PTPRG: variants seen among roughly 807,000 people sequenced by gnomAD.
The protein encoded by PTPRG is protein tyrosine phosphatase receptor type G, also known as receptor-type tyrosine-protein phosphatase gamma.
In PTPRG, 102 loss-of-function variants were observed where a neutral mutation model predicts 165.3. The ratio of observed to expected loss-of-function variants is 0.62; its 90% CI spans 0.53 to 0.73. The LOEUF is 0.73. Ranked by LOEUF, PTPRG falls within the 30% of genes least tolerant of loss-of-function variation. The pLI is 0.00. For synonymous variants in PTPRG, 675 were observed against 669.5 expected, an observed-to-expected ratio of 1.01 and a Z score of -0.13; for missense variants, 1,866 against 1,861.4, an observed-to-expected ratio of 1.00 and a Z score of -0.05.
chr3:61,905,202 G>A (rs1419005636), intron 2 of PTPRG, among the ~76,000 whole-genome samples: 1 of 152,172 alleles, frequency 6.6e-6, no homozygotes, highest in Non-Finnish European at 1.5e-5. Context: ...ATGTTATCAC[G>A]TAAGGGCTGG....
intron 1 of PTPRG, among the ~76,000 whole-genome samples, chr3:61,745,694 C>G (rs929821631): frequency 3.3e-5 from 5 of 152,216 alleles, no homozygotes; most frequent in African/African-American, 9.7e-5. Context: ...TCCTGTTGCT[C>G]AAGTCCAATT....
intron 1 of PTPRG, among the ~76,000 whole-genome samples, chr3:61,599,659 A>AT (rs11382935): frequency 0.23 from 33,814 of 145,996 alleles, 3,945 homozygotes; most frequent in African/African-American, 0.31. Flanking sequence ...TGCCTCCCTA[A>AT]TTTTTTTTTT....
chr3:61,950,358 T>A (rs2039870120), intron 2 of PTPRG, among the ~76,000 whole-genome samples: 1 of 152,226 alleles, frequency 6.6e-6, no homozygotes, highest in African/African-American at 2.4e-5. Flanking sequence ...TGCTTGATTG[T>A]GAGAACTTCT....
chr3:61,599,579 A>C (rs761123121), intron 1 of PTPRG, among the ~76,000 whole-genome samples: 1 of 151,368 alleles, frequency 6.6e-6, no homozygotes, highest in South Asian at 2.1e-4. Context: ...TGCAATCTCC[A>C]TTTCCTGGGC....
intron 5 of PTPRG, among the ~76,000 whole-genome samples, chr3:62,123,713 T>C (rs6803723): frequency 3.0e-4 from 46 of 151,642 alleles, no homozygotes; most frequent in African/African-American, 1.0e-3. Context: ...AAAACTCTAA[T>C]TAAAGAGTTA....
chr3:61,611,485 CT>C (rs1170514957), intron 1 of PTPRG, among the ~76,000 whole-genome samples: 1 of 152,076 alleles, frequency 6.6e-6, no homozygotes, highest in Non-Finnish European at 1.5e-5. Flanking sequence ...GTGCCATTTA[CT>C]GATTTTTCTA....
intron 2 of PTPRG, among the ~76,000 whole-genome samples, chr3:61,929,157 C>T (rs772874181): frequency 2.0e-4 from 31 of 152,190 alleles, no homozygotes; most frequent in Non-Finnish European, 3.8e-4. Context: ...TTTAACATCA[C>T]CAAAAACATG....
chr3:61,665,469 T>TACACACACACACACACACACAC (rs10662394), intron 1 of PTPRG, among the ~76,000 whole-genome samples: 5 of 143,922 alleles, frequency 3.5e-5, no homozygotes, highest in African/African-American at 1.3e-4. Context: ...TGTAAATAAA[T>TACACACACACACACACACACAC]ACACACACAC....
intron 4 of PTPRG, among the ~76,000 whole-genome samples, chr3:62,036,313 A>C (rs1171908334): frequency 6.6e-6 from 1 of 152,210 alleles, no homozygotes. Flanking sequence ...GTGATAAAAA[A>C]GAAATCCATA....
At chr3:62,268,450 A>G (rs1364064896) in intron 19 of PTPRG, among the ~76,000 whole-genome samples, 1 of 152,166 alleles carries the variant, frequency 6.6e-6, no homozygotes, top group Non-Finnish European at 1.5e-5. Flanking sequence ...TCCCTATGTA[A>G]CAAACCTGCA....
chr3:61,762,436 A>T (rs1482808449), intron 2 of PTPRG, among the ~76,000 whole-genome samples: 1 of 151,124 alleles, frequency 6.6e-6, no homozygotes, highest in Non-Finnish European at 1.5e-5. Context: ...ACGTGGTGAA[A>T]CCCGTCTCTA....
Position 62,281,593 on chromosome 3 carries a change from C to G in PTPRG, c.3796C>G (p.Arg1266Gly). 1 of 1,400,330 alleles carries G rather than the reference C, an allele frequency of 7.1e-7. No homozygotes were observed. Among genetic ancestry groups the G allele is most frequent in the Non-Finnish European group, 9.5e-7 (1 of 1,051,776 alleles). 86.7% of individuals were successfully genotyped at this position (1,400,330 alleles called of 1,614,324 possible). ...AEDEFVYWPS[R>G]EESMNCEAFT... ...AGATGAGTTTGTGTACTGGCCAAGT[C>G]GAGAAGAATCCATGAACTGTGAGGC... The change falls in exon 27 of 30, where the codon CGA becomes GGA. Residue 1266 changes from arginine to glycine, a missense_variant. Around this residue, in one of 3 missense-constraint regions of PTPRG, gnomAD observed 1,452 missense variants for 1,463.0 expected, o/e 0.99. Transcript: ENST00000474889.
intron 14 of PTPRG, among the ~76,000 whole-genome samples, chr3:62,234,391 A>C (rs1298562847): frequency 2.0e-5 from 3 of 152,180 alleles, no homozygotes; most frequent in Non-Finnish European, 4.4e-5. Context: ...GCTATTGTGC[A>C]TGTATGGTGC....
intron 4 of PTPRG, among the ~76,000 whole-genome samples, chr3:62,038,523 C>T (rs1700022762): frequency 1.3e-5 from 2 of 152,154 alleles, no homozygotes; most frequent in African/African-American, 2.4e-5. Flanking sequence ...TCAGACTCTC[C>T]AGTAGCTGGG....
chr3:61,913,451 C>G (rs184666118), intron 2 of PTPRG, among the ~76,000 whole-genome samples: 1 of 152,250 alleles, frequency 6.6e-6, no homozygotes, highest in East Asian at 1.9e-4. Flanking sequence ...AATCTCCTGA[C>G]CTCGTGATCC....
chr3:61,581,373 C>T (rs1440426471), intron 1 of PTPRG, among the ~76,000 whole-genome samples: 1 of 152,196 alleles, frequency 6.6e-6, no homozygotes, highest in Non-Finnish European at 1.5e-5. Flanking sequence ...TCTTTCTCCA[C>T]ACACAACAGA....
At chr3:61,657,400 G>T (rs1381549876) in intron 1 of PTPRG, among the ~76,000 whole-genome samples, 1 of 152,048 alleles carries the variant, frequency 6.6e-6, no homozygotes, top group Non-Finnish European at 1.5e-5. Flanking sequence ...TCTCCCAAAG[G>T]CAAGGTGCTC....
intron 2 of PTPRG, among the ~76,000 whole-genome samples, chr3:61,820,031 A>AC (rs1459344270): frequency 6.6e-6 from 1 of 152,208 alleles, no homozygotes; most frequent in Non-Finnish European, 1.5e-5. Context: ...CATTGGAGAA[A>AC]AAGGGTTTGA....
At chr3:61,611,964 A>G (rs1189841840) in intron 1 of PTPRG, among the ~76,000 whole-genome samples, 1 of 152,082 alleles carries the variant, frequency 6.6e-6, no homozygotes, top group Non-Finnish European at 1.5e-5. Context: ...TATTTTTGAG[A>G]TGGAGTCCTG....
Sources: allele counts gnomAD v4.1 joint callset (sites outside exome capture counted in the v4.1 genomes callset), GRCh38; gene constraint gnomAD v4.1.1; regional missense constraint gnomAD v4.1.1; transcripts MANE v1.5; gene names NCBI Gene and HGNC (gene_info 2026-07-23, HGNC 2026-07-21).